Variants in RPL31 observed in about 807,000 individuals in gnomAD.
RPL31 encodes ribosomal protein L31.
For missense variants in RPL31, 95 were observed against 164.0 expected (o/e 0.58, Z 2.30); for synonymous variants, 51 against 55.0 (o/e 0.93, Z 0.32).
chr2:101,002,644 A>C lies in RPL31; in HGVS notation c.1-58A>C, dbSNP rs1573832367. On this transcript the variant is annotated intron_variant, in intron 1 of 4. Transcript: ENST00000264258. Reference sequence around the variant, plus strand: ...GAGTGACAGCGTGAGGCTGGGAGGGAGGACTTGGCTTGAGCTTGTTAAACT... The same window carrying C: ...GAGTGACAGCGTGAGGCTGGGAGGGCGGACTTGGCTTGAGCTTGTTAAACT... The C allele has an allele frequency of 1.9e-5, 26 of 1,361,552 alleles. No homozygotes were observed. The East Asian group carries it at 5.7e-4, about 30-fold the overall frequency. 84.3% of individuals were successfully genotyped at this position (1,361,552 alleles called of 1,614,324 possible).
downstream of RPL31, chr2:101,007,676 C>T: frequency 1.2e-6 from 1 of 807,818 alleles, no homozygotes; most frequent in Admixed American, 2.5e-5. Context: ...GTGTCGGTTC[C>T]CCTGGCCACA....
intron 2 of RPL31, among the ~76,000 whole-genome samples, chr2:101,003,857 C>T (rs1678627360): frequency 2.0e-5 from 3 of 152,254 alleles, no homozygotes; most frequent in South Asian, 4.1e-4. Flanking sequence ...GATTATGCAT[C>T]TTCTTGTCCT....
intron 4 of RPL31, among the ~76,000 whole-genome samples, chr2:101,016,252 A>C (rs1455494665): frequency 6.6e-6 from 1 of 152,242 alleles, no homozygotes; most frequent in Non-Finnish European, 1.5e-5. Flanking sequence ...CGCCATCAAA[A>C]AGTAGGCAAA....
chr2:101,002,617 G>A (rs1678583044), intron 1 of RPL31, 85 bp from the exon 2 acceptor site: 3 of 1,162,898 alleles, frequency 2.6e-6, no homozygotes, highest in Middle Eastern at 2.9e-4. Context: ...GAAGCGCCCC[G>A]AGAGTGACAG....
chr2:101,017,074 TAA>T (rs376317331), intron 4 of RPL31, among the ~76,000 whole-genome samples: 10 of 132,988 alleles, frequency 7.5e-5, no homozygotes, highest in African/African-American at 8.3e-5. Flanking sequence ...TTAAAAGTAT[TAA>T]AAAAAAAAAA....
intron 4 of RPL31, 103 bp from the exon 5 acceptor site, chr2:101,006,247 G>A: frequency 6.5e-7 from 1 of 1,535,508 alleles, no homozygotes; most frequent in Non-Finnish European, 8.7e-7. Flanking sequence ...GATGTAAAAA[G>A]GTTGTGGAAA....
At chr2:101,008,422 A>G (rs1403906597), downstream of RPL31, 3 of 683,764 alleles carry the variant, frequency 4.4e-6, no homozygotes, top group Non-Finnish European at 7.0e-6. Context: ...TTTCCACTCT[A>G]AACTATTAAC....
At chr2:101,018,811 A>G (rs1046177736) in intron 4 of RPL31, among the ~76,000 whole-genome samples, 1 of 152,190 alleles carries the variant, frequency 6.6e-6, no homozygotes, top group Non-Finnish European at 1.5e-5. Flanking sequence ...TTTCCAAGGA[A>G]AATAAAGTTC....
chr2:101,006,264 T>C (rs1678730435), intron 4 of RPL31, 86 bp from the exon 5 acceptor site: 4 of 1,551,122 alleles, frequency 2.6e-6, no homozygotes, highest in Admixed American at 2.1e-5. Flanking sequence ...GAAAATAGAA[T>C]GCCCAGACCC....
intron 4 of RPL31, among the ~76,000 whole-genome samples, chr2:101,018,508 T>G (rs941746475): frequency 6.6e-6 from 1 of 152,222 alleles, no homozygotes; most frequent in African/African-American, 2.4e-5. Context: ...GAAGGAAACT[T>G]CTATTCCTTC....
chr2:101,005,221 C>G (rs1348623852), intron 3 of RPL31: 1 of 152,284 alleles, frequency 6.6e-6, no homozygotes, highest in Non-Finnish European at 1.5e-5. Context: ...AGAGAATCAG[C>G]TGTGATGCTA....
chr2:101,014,378 T>A (rs1005637375), intron 4 of RPL31, among the ~76,000 whole-genome samples: 1 of 152,218 alleles, frequency 6.6e-6, no homozygotes, highest in Admixed American at 6.5e-5. Flanking sequence ...CAGGACTGCT[T>A]AACTGTTAAA....
intron 4 of RPL31, among the ~76,000 whole-genome samples, chr2:101,015,243 G>T (rs1391976966): frequency 6.6e-6 from 1 of 150,432 alleles, no homozygotes; most frequent in South Asian, 2.1e-4. Flanking sequence ...TGGTATAAAA[G>T]AAAAAAAAAT....
At chr2:101,004,461 G>T in intron 3 of RPL31, 178 bp downstream of exon 3, 1 of 637,166 alleles carries the variant, frequency 1.6e-6, no homozygotes, top group South Asian at 2.4e-5. Flanking sequence ...CCTTAATTTA[G>T]TGGCTTATGA....
At chr2:101,008,076 C>G, downstream of RPL31, 1 of 1,613,964 alleles carries the variant, frequency 6.2e-7, no homozygotes, top group Non-Finnish European at 8.5e-7. Context: ...AAACCGAGTC[C>G]TCAGGAGAAG....
intron 1 of RPL31, 119 bp from the exon 2 acceptor site, chr2:101,002,583 G>A (rs1678581711): frequency 1.7e-5 from 14 of 831,726 alleles, no homozygotes; most frequent in Non-Finnish European, 2.6e-5. Flanking sequence ...GACCGACTTA[G>A]CCTGGCCAGA....
chr2:101,016,752 T>G (rs1174697634), intron 4 of RPL31, among the ~76,000 whole-genome samples: 2 of 152,130 alleles, frequency 1.3e-5, no homozygotes, highest in Middle Eastern at 3.2e-3. Flanking sequence ...CCATAAAAAA[T>G]GATGAGTTCA....
At chr2:101,012,210 T>C (rs894932935), downstream of RPL31, among the ~76,000 whole-genome samples, 1 of 152,206 alleles carries the variant, frequency 6.6e-6, no homozygotes. Flanking sequence ...CTTCTACATA[T>C]ACACCCAAGA....
chr2:101,002,991 T>C (rs911267368), intron 2 of RPL31, among the ~76,000 whole-genome samples, 183 bp downstream of exon 2: 2 of 152,194 alleles, frequency 1.3e-5, no homozygotes, highest in Non-Finnish European at 2.9e-5. Context: ...ACCAGCTGCA[T>C]TGGTCTTTCT....
Sources: gnomAD v4.1 joint callset for allele counts (sites outside exome capture counted in the v4.1 genomes callset) on GRCh38, gnomAD v4.1.1 for gene constraint, MANE v1.5 for transcripts, NCBI Gene and HGNC (gene_info 2026-07-23, HGNC 2026-07-21) for gene names.